Variants in LRRC4B observed in about 807,000 individuals in gnomAD.
The protein encoded by LRRC4B is leucine rich repeat containing 4B.
In LRRC4B, 1 loss-of-function variant was observed where a neutral mutation model predicts 7.3. The observed-to-expected ratio is 0.14, with a 90% confidence interval of 0.05 to 0.65. The LOEUF (loss-of-function observed/expected upper bound fraction) is 0.65, where lower values mean the gene tolerates loss of function less well. Ranked by LOEUF, LRRC4B falls within the 30% of genes least tolerant of loss-of-function variation. The probability of loss-of-function intolerance (pLI) is 0.84; values close to 1 mark genes in which losing one functional copy is unlikely to be tolerated. For synonymous variants in LRRC4B, 500 were observed against 499.2 expected (o/e 1.00, Z -0.02); for missense variants, 730 against 1,041.6 (o/e 0.70, Z 4.12).
chr19:50,538,563 T>G (rs1169685635), intron 2 of LRRC4B, among the ~76,000 whole-genome samples: 3 of 116,834 alleles, frequency 2.6e-5, no homozygotes, highest in African/African-American at 1.0e-4. Context: ...TGTCTTGTTT[T>G]TTTTTTTTTT....
intron 2 of LRRC4B, among the ~76,000 whole-genome samples, chr19:50,543,274 G>A (rs1229241203): frequency 3.3e-5 from 5 of 152,076 alleles, no homozygotes; most frequent in East Asian, 1.9e-4. Flanking sequence ...CAGGTCACAC[G>A]GGAGGCTCTG....
chr19:50,522,459 A>ATTTATTTATTTAT (rs1491583815), intron 2 of LRRC4B, among the ~76,000 whole-genome samples: 5 of 147,094 alleles, frequency 3.4e-5, no homozygotes, highest in African/African-American at 1.3e-4. Flanking sequence ...TATTTTATTT[A>ATTTATTTATTTAT]TTATTTATTT....
At chr19:50,534,446 T>C (rs1568723628) in intron 2 of LRRC4B, among the ~76,000 whole-genome samples, 2 of 152,204 alleles carry the variant, frequency 1.3e-5, no homozygotes, top group South Asian at 4.1e-4. Context: ...GACGAAGATG[T>C]TGACATTTTG....
chr19:50,517,506 G>A lies in LRRC4B; in HGVS notation c.*65C>T. ...CTGTGGGAGGGAGGGGTCCCGGTCA[G>A]GCTGCGCCCGGGCTGGGACCTGGGT... On this transcript the variant is annotated 3_prime_UTR_variant, in exon 3 of 3. Coordinates refer to ENST00000652263, the MANE Select transcript of LRRC4B (RefSeq NM_001080457.2). The surrounding 1 kb of genome is among the most constrained non-coding windows in gnomAD (Gnocchi z 6.6). 1 of 1,341,484 alleles carries A rather than the reference G, an allele frequency of 7.5e-7. No individual in the cohort carries two copies. The allele number at this position is 1,341,484 out of a possible 1,614,324, so 83.1% of individuals were successfully genotyped here.
In LRRC4B at chr19:50,556,805, C is replaced by G. The variant is rs1198389950; in HGVS notation, c.-35-7932G>C. On this transcript the variant is annotated intron_variant, in intron 1 of 2. Transcript: ENST00000652263. This position sits in a 1 kb window ranked among gnomAD's most constrained non-coding sequence, Gnocchi z 4.2. ...GCACCCGAGGCAAGGAGCCCTGGGT[C>G]TCTAGGGAGGCAAGTGTGGGGGTGG... 6.6e-6 allele frequency among the ~76,000 whole-genome samples: 1 copy of G among 151,818 alleles called. No individual in the cohort carries two copies. The highest frequency in any genetic ancestry group is 1.5e-5 in the Non-Finnish European group (1 of 67,938).
At chr19:50,551,333 G>A (rs1367954920) in intron 1 of LRRC4B, among the ~76,000 whole-genome samples, 1 of 150,768 alleles carries the variant, frequency 6.6e-6, no homozygotes, top group East Asian at 2.0e-4. Flanking sequence ...GGGCTTCTTG[G>A]GTCTCCCCGC....
intron 1 of LRRC4B, among the ~76,000 whole-genome samples, chr19:50,552,642 A>ATCCGTCCATCCATCTG (rs1982125485): frequency 1.9e-5 from 2 of 103,008 alleles, no homozygotes; most frequent in African/African-American, 7.9e-5. Context: ...CCATCCGCCC[A>ATCCGTCCATCCATCTG]TCCGTCCATC....
At chr19:50,551,322 G>C (rs1352870305) in intron 1 of LRRC4B, among the ~76,000 whole-genome samples, 1 of 150,802 alleles carries the variant, frequency 6.6e-6, no homozygotes, top group African/African-American at 2.4e-5. Flanking sequence ...GGGGGGCGCA[G>C]GGGCTTCTTG....
intron 1 of LRRC4B, among the ~76,000 whole-genome samples, chr19:50,552,683 T>TCCATCCATCCATCCCTCCATCCATCCAC (rs377729910): frequency 8.2e-6 from 1 of 121,354 alleles, no homozygotes; most frequent in African/African-American, 3.6e-5. Flanking sequence ...CATCCATCCA[T>TCCATCCATCCATCCCTCCATCCATCCAC]CCATCCGTCC....
rs1424144642 is a variant in LRRC4B at position 50,554,446 on chromosome 19, G to A, written c.-35-5573C>T. ...AACAGGAGGTCCCCAGCGCAGCTCC[G>A]TGCACCCAGAGGAAAGCTACCACTC... is the stretch of plus-strand genomic sequence containing the variant. On this transcript the variant is annotated intron_variant, in intron 1 of 2. Coordinates refer to ENST00000652263, the MANE Select transcript of LRRC4B (RefSeq NM_001080457.2). Among the ~76,000 whole-genome samples, 4 of 152,066 alleles carry A rather than the reference G, an allele frequency of 2.6e-5. No homozygotes were observed. The South Asian group carries it at 6.2e-4, about 24-fold the overall frequency.
intron 1 of LRRC4B, among the ~76,000 whole-genome samples, chr19:50,551,440 C>T (rs542338568): frequency 4.7e-5 from 7 of 150,494 alleles, no homozygotes; most frequent in East Asian, 2.0e-4. Context: ...TCGCCTCCTC[C>T]GGTCTCCTTC....
chr19:50,551,379 G>C (rs549970482), intron 1 of LRRC4B, among the ~76,000 whole-genome samples: 2 of 149,310 alleles, frequency 1.3e-5, no homozygotes, highest in Admixed American at 1.3e-4. Context: ...TCCCACCCCT[G>C]GGGGGGGCTG....
Position 50,517,481 on chromosome 19 carries a change from C to A in LRRC4B, c.*90G>T. On this transcript the variant is annotated 3_prime_UTR_variant, in exon 3 of 3. Transcript: ENST00000652263. The surrounding 1 kb of genome is among the most constrained non-coding windows in gnomAD (Gnocchi z 6.6). ...GCGTGGTCCCAGAAGGTGGGCTGGG[C>A]TGTGGGAGGGAGGGGTCCCGGTCAG... The A allele has an allele frequency of 8.5e-7, 1 of 1,182,994 alleles. No homozygotes were observed. Among genetic ancestry groups the A allele is most frequent in the Non-Finnish European group, 1.1e-6 (1 of 915,340 alleles). 73.3% of individuals were successfully genotyped at this position (1,182,994 alleles called of 1,614,324 possible). A position where few individuals can be genotyped will look rare whatever the true frequency, so the allele number is the denominator to read the frequency against.
intron 1 of LRRC4B, among the ~76,000 whole-genome samples, chr19:50,558,250 C>A (rs1262923480): frequency 6.6e-6 from 1 of 151,780 alleles, no homozygotes; most frequent in Non-Finnish European, 1.5e-5. Flanking sequence ...TACATACATA[C>A]ACACACACAC....
At chr19:50,528,585 T>C (rs1222983881) in intron 2 of LRRC4B, among the ~76,000 whole-genome samples, 1 of 152,162 alleles carries the variant, frequency 6.6e-6, no homozygotes, top group Non-Finnish European at 1.5e-5. Context: ...CCTCAAGTGA[T>C]CTACTCGCCT....
chr19:50,526,876 TAG>T (rs887853475), intron 2 of LRRC4B, among the ~76,000 whole-genome samples: 4 of 147,710 alleles, frequency 2.7e-5, no homozygotes, highest in African/African-American at 9.8e-5. Flanking sequence ...TTTTTTGAGA[TAG>T]AGTCTCACTC....
chr19:50,568,152 G>C lies in LRRC4B; in HGVS notation c.-244C>G, dbSNP rs1024281044. 6.6e-6 allele frequency: 1 copy of C among 152,004 alleles called. No individual in the cohort carries two copies. The allele number at this position is 152,004 out of a possible 1,614,324, so 9.4% of individuals were successfully genotyped here. A position where few individuals can be genotyped will look rare whatever the true frequency, so the allele number is the denominator to read the frequency against. On this transcript the variant is annotated 5_prime_UTR_variant, in exon 1 of 3. Transcript: ENST00000652263. The stretch of plus-strand genomic sequence containing the variant: ...CTTCCGCAGCGGCGGCGGTGGGGCT[G>C]GGGGGGCCGCTCTGCCTCCTCGCCT...
chr19:50,524,165 C>T (rs1416550221), intron 2 of LRRC4B, among the ~76,000 whole-genome samples: 1 of 152,158 alleles, frequency 6.6e-6, no homozygotes, highest in East Asian at 1.9e-4. Context: ...GAATCTGTGG[C>T]ATAGGCAGAA....
intron 2 of LRRC4B, among the ~76,000 whole-genome samples, chr19:50,535,347 A>AT (rs1439059794): frequency 2.3e-4 from 35 of 150,768 alleles, no homozygotes; most frequent in African/African-American, 8.6e-4. Context: ...TAATTTTTGT[A>AT]TTTTAGTAGA....
Sources: gnomAD v4.1 joint callset for allele counts (sites outside exome capture counted in the v4.1 genomes callset) on GRCh38, gnomAD v4.1.1 for gene constraint, Gnocchi (gnomAD v3.1) non-coding constraint, MANE v1.5 for transcripts, NCBI Gene and HGNC (gene_info 2026-07-23, HGNC 2026-07-21) for gene names.